The following AP1S3 variants were observed in gnomAD, a reference collection of about 807,000 sequenced individuals.
AP1S3 encodes AP-1 complex subunit sigma-3.
AP1S3 carries 10 observed loss-of-function variants against 20.9 expected under a neutral mutation model. That is an observed-to-expected ratio of 0.48 (90% CI 0.29 to 0.81). The LOEUF (loss-of-function observed/expected upper bound fraction) is 0.81, where lower values mean the gene tolerates loss of function less well. AP1S3 is among the 30% of genes least tolerant of loss of function. The pLI is 0.08. For missense variants in AP1S3, 154 were observed against 183.8 expected, an observed-to-expected ratio of 0.84 and a Z score of 0.94; for synonymous variants, 41 against 61.5, an observed-to-expected ratio of 0.67 and a Z score of 1.56.
At chr2:223,789,345 C>A (rs761550461) in intron 1 of AP1S3, among the ~76,000 whole-genome samples, 3 of 151,806 alleles carry the variant, frequency 2.0e-5, no homozygotes, top group Non-Finnish European at 2.9e-5. Context: ...AAAATAAAAT[C>A]AAAGGAATCT....
intron 3 of AP1S3, among the ~76,000 whole-genome samples, chr2:223,770,532 C>CACACACACACACACACA (rs60585278): frequency 5.4e-4 from 49 of 89,936 alleles, no homozygotes; most frequent in East Asian, 1.6e-3. Flanking sequence ...ACACACACAC[C>CACACACACACACACACA]CCTTGATATA....
intron 1 of AP1S3, among the ~76,000 whole-genome samples, chr2:223,782,410 A>G (rs1473281282): frequency 6.6e-6 from 1 of 152,132 alleles, no homozygotes; most frequent in Non-Finnish European, 1.5e-5. Context: ...CATAATCATC[A>G]TTGTTGAGTA....
intron 3 of AP1S3, among the ~76,000 whole-genome samples, chr2:223,765,864 C>T (rs551156010): frequency 5.5e-4 from 84 of 152,266 alleles, no homozygotes; most frequent in African/African-American, 2.0e-3. Context: ...GGTGCTACAG[C>T]CCACCCCCAG....
At position 223,789,674 on chromosome 2, in the gene AP1S3, C is replaced by CA. The variant is rs536845135; in HGVS notation, c.4-11806dup. 2.8e-3 allele frequency among the ~76,000 whole-genome samples: 249 copies of CA among 89,104 alleles called. 3 individuals are homozygous for CA. The highest frequency in any genetic ancestry group is 6.8e-3 in the Middle Eastern group (1 of 148). The allele number at this position is 89,104 out of a possible 152,430, so 58.5% of individuals were successfully genotyped here. On this transcript the variant is annotated intron_variant, in intron 1 of 4. Transcript: ENST00000396654. ...GGGTCAACATGACAAAACCCTGTCT[C>CA]AAAAAAAAAAAAAAAAAGCCAGGCG...
chr2:223,828,718 C>T (rs1421113840), intron 1 of AP1S3, among the ~76,000 whole-genome samples: 1 of 152,224 alleles, frequency 6.6e-6, no homozygotes, highest in Non-Finnish European at 1.5e-5. Flanking sequence ...TGGCTGGTTT[C>T]TGTGGACACA....
chr2:223,786,261 T>A (rs1482282481), intron 1 of AP1S3, among the ~76,000 whole-genome samples: 1 of 152,204 alleles, frequency 6.6e-6, no homozygotes, highest in African/African-American at 2.4e-5. Flanking sequence ...GTTGCCTTGT[T>A]AAGATGGAGG....
intron 1 of AP1S3, among the ~76,000 whole-genome samples, chr2:223,811,731 C>T (rs1256223645): frequency 6.6e-6 from 1 of 152,044 alleles, no homozygotes; most frequent in African/African-American, 2.4e-5. Flanking sequence ...GTATTTATGT[C>T]TTGGGGACTC....
chr2:223,827,018 AGG>A (rs1692143341), intron 1 of AP1S3, among the ~76,000 whole-genome samples: 1 of 152,150 alleles, frequency 6.6e-6, no homozygotes, highest in Non-Finnish European at 1.5e-5. Context: ...ATTTTGTAAG[AGG>A]CGGGCAATGG....
intron 1 of AP1S3, among the ~76,000 whole-genome samples, chr2:223,804,161 G>A (rs890529636): frequency 7.9e-5 from 12 of 152,068 alleles, no homozygotes; most frequent in South Asian, 2.1e-4. Context: ...GGCTAGTTTC[G>A]TGCTCTTAAA....
intron 1 of AP1S3, among the ~76,000 whole-genome samples, chr2:223,813,689 T>G (rs1318821492): frequency 6.6e-6 from 1 of 152,176 alleles, no homozygotes; most frequent in Non-Finnish European, 1.5e-5. Flanking sequence ...CATAAGACAT[T>G]TTCTAAAAGT....
chr2:223,786,041 ACT>A (rs538682234), intron 1 of AP1S3, among the ~76,000 whole-genome samples: 1 of 151,986 alleles, frequency 6.6e-6, no homozygotes, highest in South Asian at 2.1e-4. Flanking sequence ...AATGGGAGAG[ACT>A]CTACATGTGT....
intron 1 of AP1S3, among the ~76,000 whole-genome samples, chr2:223,805,453 T>C (rs1195697354): frequency 2.6e-5 from 4 of 151,918 alleles, no homozygotes; most frequent in Non-Finnish European, 4.4e-5. Flanking sequence ...AAAAAAAAAA[T>C]TGTTATGTAC....
rs972337267 is a variant in AP1S3, at chr2:223,756,361, AAAAG to A, written c.*2350_*2353del. On this transcript the variant is annotated 3_prime_UTR_variant, in exon 5 of 5. Coordinates refer to ENST00000396654, the MANE Select transcript of AP1S3 (RefSeq NM_001039569.2). Reference sequence around the variant, plus strand: ...AAGAAAGAAAAGAAAAGAAAAGAGAAAAAGAAAGAAAGAAAGGAGGGAGGGAGGA... The same window carrying A: ...AAGAAAGAAAAGAAAAGAAAAGAGAAAAAGAAAGAAAGGAGGGAGGGAGGA... The A allele has an allele frequency of 1.4e-4, 43 of 316,384 alleles. No individual in the cohort carries two copies. Among genetic ancestry groups the A allele is most frequent in the African/African-American group, 6.2e-4 (27 of 43,606 alleles). The allele number at this position is 316,384 out of a possible 1,614,324, so 19.6% of individuals were successfully genotyped here.
intron 1 of AP1S3, among the ~76,000 whole-genome samples, chr2:223,796,006 C>A (rs538760791): frequency 6.6e-6 from 1 of 152,218 alleles, no homozygotes; most frequent in African/African-American, 2.4e-5. Flanking sequence ...AAGCCCTTCT[C>A]TACTAAAAAT....
In AP1S3 at chr2:223,777,775, C is replaced by T. The variant is rs758312174; in HGVS notation, c.98G>A (p.Arg33Gln). 44 of 1,613,990 alleles carry T rather than the reference C, an allele frequency of 2.7e-5. No homozygotes were observed. The highest frequency in any genetic ancestry group is 3.5e-5 in the Non-Finnish European group (41 of 1,180,032). Reference protein sequence around the residue: ...LPDKERKKITREIVQIILSRG... With the variant: ...LPDKERKKITQEIVQIILSRG... Reference sequence around the variant, plus strand: ...GGAGAGAATAATCTGAACAATTTCCCGGGTGATCTTCTTCCTCTCTTTATC... The same window carrying T: ...GGAGAGAATAATCTGAACAATTTCCTGGGTGATCTTCTTCCTCTCTTTATC... The change falls in exon 2 of 5, where the codon CGG becomes CAG. Residue 33 changes from arginine (R) to glutamine (Q), a missense_variant. Coordinates refer to ENST00000396654, the MANE Select transcript of AP1S3 (RefSeq NM_001039569.2).
At chr2:223,790,593 A>G (rs911858632) in intron 1 of AP1S3, among the ~76,000 whole-genome samples, 4 of 152,070 alleles carry the variant, frequency 2.6e-5, no homozygotes, top group African/African-American at 4.8e-5. Context: ...TAGAATAAGG[A>G]TGTCATTAGT....
chr2:223,829,857 C>A (rs936052915), intron 1 of AP1S3, among the ~76,000 whole-genome samples: 8 of 148,542 alleles, frequency 5.4e-5, no homozygotes, highest in African/African-American at 1.8e-4. Flanking sequence ...AAAAAAAAAA[C>A]AAAAAAACAC....
chr2:223,811,496 T>A (rs1365602450), intron 1 of AP1S3, among the ~76,000 whole-genome samples: 1 of 148,362 alleles, frequency 6.7e-6, no homozygotes, highest in East Asian at 2.0e-4. Context: ...TTGAACCCGG[T>A]GGGTGGAGGT....
At chr2:223,825,657 T>TA (rs1319138591) in intron 1 of AP1S3, among the ~76,000 whole-genome samples, 1 of 151,486 alleles carries the variant, frequency 6.6e-6, no homozygotes, top group Non-Finnish European at 1.5e-5. Flanking sequence ...AAGTATCTTG[T>TA]AATCAAGAAA....
Sources: gnomAD v4.1 joint callset for allele counts (sites outside exome capture counted in the v4.1 genomes callset) on GRCh38, gnomAD v4.1.1 for gene constraint, MANE v1.5 for transcripts, NCBI Gene and HGNC (gene_info 2026-07-23, HGNC 2026-07-21) for gene names.